The following REXO5 variants were observed in gnomAD, a reference collection of about 807,000 sequenced individuals.
REXO5 encodes exonuclease NEF-sp.
Under a neutral mutation model 88.5 loss-of-function variants are expected in REXO5, and 48 were observed. The ratio of observed to expected loss-of-function variants is 0.54; its 90% CI spans 0.43 to 0.69. The LOEUF (loss-of-function observed/expected upper bound fraction) is 0.69. Among genes scored for constraint, REXO5 ranks in the 30% least tolerant of loss-of-function variants. REXO5 has a pLI of 0.00. For synonymous variants in REXO5, 311 were observed against 336.5 expected (o/e 0.92, Z 0.83); for missense variants, 749 against 912.2 (o/e 0.82, Z 2.30).
intron 2 of REXO5, among the ~76,000 whole-genome samples, chr16:20,808,480 T>C (rs2080945529): frequency 6.6e-6 from 1 of 151,984 alleles, no homozygotes; most frequent in African/African-American, 2.4e-5. Context: ...TGCCATGTGC[T>C]GGGGCACTGA....
At position 20,824,024 on chromosome 16, in the gene REXO5, TTTCTC is replaced by T. The variant is rs1445079093; in HGVS notation, c.617-411_617-407del. ...CATTATGGTGGAATCTCATTCCTAT[TTTCTC>T]TTCCTGTATTTAGGAAAGAAAGATG... On this transcript the variant is annotated intron_variant, in intron 6 of 19. Coordinates refer to ENST00000261377, the MANE Select transcript of REXO5 (RefSeq NM_030941.3). Among the ~76,000 whole-genome samples, 3 of 152,364 alleles carry T rather than the reference TTTCTC, an allele frequency of 2.0e-5. No homozygotes were observed. In the East Asian group the frequency reaches 5.8e-4, roughly 29 times the overall value.
At chr16:20,849,364 G>A (rs147483216) in intron 19 of REXO5, 35 bp from the exon 20 acceptor site, 2 of 1,578,518 alleles carry the variant, frequency 1.3e-6, no homozygotes, top group African/African-American at 1.3e-5. Flanking sequence ...CAACCTTATG[G>A]ATAAAAACAT....
In REXO5 at chr16:20,813,317, T is replaced by G. The variant is rs754607618; in HGVS notation, c.251+15T>G. On this transcript the variant is annotated intron_variant, in intron 3 of 19. Transcript: ENST00000261377. ...CCAAAACCCAGGTATGAGATGAATT[T>G]AAATGGTGGGTATTGACCAGCGGTT... 4 of 1,456,908 alleles carry G rather than the reference T, an allele frequency of 2.7e-6. No homozygotes were observed. In the African/African-American group the frequency reaches 4.2e-5, roughly 15 times the overall value. 90.2% of individuals were successfully genotyped at this position (1,456,908 alleles called of 1,614,324 possible).
intron 16 of REXO5, 31 bp downstream of exon 16, chr16:20,844,057 T>TGGTAGGCCAGACCCAAGCAAA: frequency 7.3e-7 from 1 of 1,370,400 alleles, no homozygotes; most frequent in Non-Finnish European, 1.0e-6. Flanking sequence ...CCCCTTTGCT[T>TGGTAGGCCAGACCCAAGCAAA]GGGTCTGGCC....
intron 6 of REXO5, among the ~76,000 whole-genome samples, chr16:20,822,123 GA>G (rs1169087058): frequency 9.9e-5 from 15 of 152,144 alleles, no homozygotes; most frequent in African/African-American, 3.6e-4. Context: ...ACATGAATGT[GA>G]CATTAAATAG....
intron 11 of REXO5, among the ~76,000 whole-genome samples, chr16:20,829,247 A>G (rs969471508): frequency 1.3e-5 from 2 of 152,184 alleles, no homozygotes; most frequent in South Asian, 2.1e-4. Flanking sequence ...AATTCTTAGC[A>G]CAGTGTCTTG....
chr16:20,810,659 G>C (rs2080983787), intron 2 of REXO5, among the ~76,000 whole-genome samples: 1 of 152,156 alleles, frequency 6.6e-6, no homozygotes, highest in Non-Finnish European at 1.5e-5. Context: ...GCTTCGCAAA[G>C]TGTTGGGATT....
chr16:20,832,366 A>G (rs903017103), intron 12 of REXO5, 107 bp downstream of exon 12: 2 of 652,022 alleles, frequency 3.1e-6, no homozygotes, highest in African/African-American at 1.9e-5. Context: ...ATTAAAAACT[A>G]TTTACCAAAA....
At chr16:20,820,172 A>C (rs1290468805) in intron 5 of REXO5, among the ~76,000 whole-genome samples, 1 of 152,116 alleles carries the variant, frequency 6.6e-6, no homozygotes, top group African/African-American at 2.4e-5. Context: ...TGGTGGACGA[A>C]AGTTAATTAT....
intron 2 of REXO5, among the ~76,000 whole-genome samples, chr16:20,807,745 AAAAAAC>A (rs1478697953): frequency 6.6e-6 from 1 of 150,578 alleles, no homozygotes; most frequent in Non-Finnish European, 1.5e-5. Context: ...TCTTAAAAAA[AAAAAAC>A]AAAAAACAAA....
At chr16:20,807,556 C>G (rs116234440) in intron 2 of REXO5, among the ~76,000 whole-genome samples, 2,164 of 144,740 alleles carry the variant, frequency 0.015, 63 homozygotes, top group African/African-American at 0.053. Context: ...ACACTCCACC[C>G]TGGACAACAA....
rs1400831523 is a variant in REXO5 at position 20,816,074 on chromosome 16, T to C, written c.379-42T>C. On this transcript the variant is annotated intron_variant, in intron 4 of 19. Transcript: ENST00000261377. The stretch of plus-strand genomic sequence containing the variant: ...TCCAGGCCTTTCACAGTATTTTAGC[T>C]GTTTTCAACCATTTTTGTAAAACCT... The C allele has an allele frequency of 7.8e-6, 12 of 1,529,860 alleles. No individual in the cohort carries two copies. In the South Asian group the frequency reaches 9.0e-5, roughly 11 times the overall value. The allele number at this position is 1,529,860 out of a possible 1,614,324, so 94.8% of individuals were successfully genotyped here.
At chr16:20,837,578 T>A (rs146990271) in intron 13 of REXO5, among the ~76,000 whole-genome samples, 3 of 152,338 alleles carry the variant, frequency 2.0e-5, no homozygotes, top group African/African-American at 2.4e-5. Context: ...TTATTAAAAT[T>A]TCACTTGAAT....
At chr16:20,818,671 T>C (rs1315515347) in intron 5 of REXO5, among the ~76,000 whole-genome samples, 1 of 152,182 alleles carries the variant, frequency 6.6e-6, no homozygotes, top group Non-Finnish European at 1.5e-5. Context: ...AGTTTCACCA[T>C]GTTTGGCCAG....
At chr16:20,813,438 C>A in intron 3 of REXO5, 136 bp downstream of exon 3, 1 of 561,996 alleles carries the variant, frequency 1.8e-6, no homozygotes, top group African/African-American at 2.0e-5. Flanking sequence ...TGCTATGCAG[C>A]ATGTCCTGAA....
At chr16:20,826,254 A>G (rs572889494) in intron 8 of REXO5, among the ~76,000 whole-genome samples, 2 of 152,322 alleles carry the variant, frequency 1.3e-5, no homozygotes, top group East Asian at 1.9e-4. Context: ...TTGCTTTCTG[A>G]TAAGACCTCA....
At chr16:20,839,372 T>G (rs996274485) in intron 13 of REXO5, among the ~76,000 whole-genome samples, 2 of 127,010 alleles carry the variant, frequency 1.6e-5, no homozygotes, top group African/African-American at 3.0e-5. Context: ...TGCCCCTTGA[T>G]TTTTTTTTTT....
At chr16:20,846,380 T>C in intron 19 of REXO5, 41 bp downstream of exon 19, 1 of 1,450,336 alleles carries the variant, frequency 6.9e-7, no homozygotes, top group Non-Finnish European at 9.7e-7. Flanking sequence ...CTCTGTCCCC[T>C]GGATTTCAGC....
chr16:20,832,078 T>G (rs974771448), intron 11 of REXO5, 78 bp from the exon 12 acceptor site: 2 of 995,444 alleles, frequency 2.0e-6, no homozygotes, highest in Non-Finnish European at 3.0e-6. Context: ...TTTGTTGTTG[T>G]TGCTTTTTGT....
Sources: gnomAD v4.1 joint callset for allele counts (sites outside exome capture counted in the v4.1 genomes callset) on GRCh38, gnomAD v4.1.1 for gene constraint, MANE v1.5 for transcripts, NCBI Gene and HGNC (gene_info 2026-07-23, HGNC 2026-07-21) for gene names.